PCDHGB7: variants seen among roughly 807,000 people sequenced by gnomAD.
PCDHGB7 encodes protocadherin gamma subfamily B, 7, also known as protocadherin gamma-B7.
A neutral mutation model predicts 61.4 loss-of-function variants in PCDHGB7; 37 were observed. The observed-to-expected ratio is 0.60, with a 90% CI of 0.46 to 0.79. The LOEUF (loss-of-function observed/expected upper bound fraction) is 0.79, where lower values mean the gene tolerates loss of function less well. PCDHGB7 is among the 30% of genes least tolerant of loss of function. The pLI is 0.00. For synonymous variants in PCDHGB7, 464 were observed against 503.5 expected, an observed-to-expected ratio of 0.92 and a Z score of 1.05; for missense variants, 1,166 against 1,202.5, an observed-to-expected ratio of 0.97 and a Z score of 0.45.
Position 141,417,789 on chromosome 5 carries a change from C to G in PCDHGB7, c.-71C>G. The G allele has an allele frequency of 6.8e-7, 1 of 1,477,596 alleles. No homozygotes were observed. Among genetic ancestry groups the G allele is most frequent in the Non-Finnish European group, 9.0e-7 (1 of 1,112,096 alleles). The allele number at this position is 1,477,596 out of a possible 1,614,324, so 91.5% of individuals were successfully genotyped here. ...GACTCCTCCTGTCCTGGGCCGAATG[C>G]TCTTTTAGCGCGGTAGAGTGCACTT... On this transcript the variant is annotated 5_prime_UTR_variant, in exon 1 of 4. Transcript: ENST00000398594.
At chr5:141,509,040 C>G (rs1217864661) in intron 3 of PCDHGB7, among the ~76,000 whole-genome samples, 1 of 152,132 alleles carries the variant, frequency 6.6e-6, no homozygotes, top group Non-Finnish European at 1.5e-5. Context: ...CAACCCCTCT[C>G]CCCCGCCCCC....
At chr5:141,427,573 T>C in intron 1 of PCDHGB7, 1 of 667,160 alleles carries the variant, frequency 1.5e-6, no homozygotes, top group Non-Finnish European at 2.8e-6. Context: ...AAGCCTCCGC[T>C]CTCATCCAGC....
At position 141,419,420 on chromosome 5, in the gene PCDHGB7, G is replaced by C. The variant is rs774685112; in HGVS notation, c.1561G>C (p.Asp521His). Residue 521 changes from aspartate (D) to histidine (H), a missense_variant, in exon 1 of 4, where the codon GAC (aspartate) becomes CAC (histidine). Physicochemically the swap from Asp to His is moderately conservative, Grantham distance 81. Coordinates refer to ENST00000398594, the MANE Select transcript of PCDHGB7 (RefSeq NM_018927.4). Reference protein sequence around the residue: ...SGVVFAQRAFDHEQLRTFELT... With the variant: ...SGVVFAQRAFHHEQLRTFELT... ...GGTGGTGTTCGCGCAGCGCGCCTTC[G>C]ACCACGAGCAGCTGCGCACCTTCGA... 10 of 1,613,372 alleles carry C rather than the reference G, an allele frequency of 6.2e-6. No individual in the cohort carries two copies. The highest frequency in any genetic ancestry group is 7.6e-6 in the Non-Finnish European group (9 of 1,179,876).
rs2099883943 is a variant in PCDHGB7, at chr5:141,511,766, G to A, written c.*593G>A. ...TGGAGGACATGATCACCATCCCCAT[G>A]GTACTGATGCTTGCTGGATTTAGGG... On this transcript the variant is annotated 3_prime_UTR_variant, in exon 4 of 4. Coordinates refer to ENST00000398594, the MANE Select transcript of PCDHGB7 (RefSeq NM_018927.4). 2 of 161,712 alleles carry A rather than the reference G, an allele frequency of 1.2e-5. No homozygotes were observed. Among genetic ancestry groups the A allele is most frequent in the Non-Finnish European group, 2.8e-5 (2 of 72,704 alleles). The allele number at this position is 161,712 out of a possible 1,614,324, so 10.0% of individuals were successfully genotyped here.
chr5:141,437,622 A>G (rs1007643306), intron 1 of PCDHGB7, among the ~76,000 whole-genome samples: 2 of 152,192 alleles, frequency 1.3e-5, no homozygotes, highest in Non-Finnish European at 2.9e-5. Flanking sequence ...TTATCCCCAT[A>G]TAAGATGTCA....
chr5:141,426,704 A>C, intron 1 of PCDHGB7: 1 of 440,322 alleles, frequency 2.3e-6, no homozygotes, highest in South Asian at 1.6e-5. Context: ...TTGTTTTACA[A>C]ATCAATGAAC....
In PCDHGB7 at chr5:141,476,857, C is replaced by G. The variant is rs201408987; in HGVS notation, c.2416-17950C>G. The G allele has an allele frequency of 3.1e-6, 5 of 1,613,886 alleles. No individual in the cohort carries two copies. Among genetic ancestry groups the G allele is most frequent in the Non-Finnish European group, 4.2e-6 (5 of 1,180,046 alleles). On this transcript the variant is annotated intron_variant, in intron 1 of 3. Coordinates refer to ENST00000398594, the MANE Select transcript of PCDHGB7 (RefSeq NM_018927.4). This position sits in a 1 kb window ranked among gnomAD's most constrained non-coding sequence, Gnocchi z 7.6. Reference sequence around the variant, plus strand: ...ACAATGCGCCTGTCTTCAACCAGTCCTTGTACCGGGCGCGCGTCCTGGAGG... The same window carrying G: ...ACAATGCGCCTGTCTTCAACCAGTCGTTGTACCGGGCGCGCGTCCTGGAGG...
At position 141,490,207 on chromosome 5, in the gene PCDHGB7, C is replaced by T. The variant is rs142098675; in HGVS notation, c.2416-4600C>T. On this transcript the variant is annotated intron_variant, in intron 1 of 3. Transcript: ENST00000398594. This position sits in a 1 kb window ranked among gnomAD's most constrained non-coding sequence, Gnocchi z 5.4. ...TTTCTATGAAATTCATGCAAGAGCC[C>T]GTGACCAGGGACAGCCTGCCATGGA... 41 of 1,614,056 alleles carry T rather than the reference C, an allele frequency of 2.5e-5. No homozygotes were observed. The highest frequency in any genetic ancestry group is 3.3e-4 in the Middle Eastern group (2 of 6,084).
At chr5:141,467,360 C>T (rs965838962) in intron 1 of PCDHGB7, among the ~76,000 whole-genome samples, 3 of 152,010 alleles carry the variant, frequency 2.0e-5, no homozygotes, top group Non-Finnish European at 4.4e-5. Context: ...GCCAAATCAA[C>T]GTTTTCTTAT....
intron 1 of PCDHGB7, chr5:141,479,468 T>C (rs1473966646): frequency 1.3e-5 from 2 of 152,248 alleles, no homozygotes; most frequent in African/African-American, 4.8e-5. Context: ...TACAGTGACC[T>C]CTTGGGAGGG....
chr5:141,472,065 G>C lies in PCDHGB7; in HGVS notation c.2416-22742G>C, dbSNP rs115025688. Among the ~76,000 whole-genome samples the C allele has an allele frequency of 1.7e-3, 265 of 152,218 alleles. 1 individual carries two copies. Among genetic ancestry groups the C allele is most frequent in the Middle Eastern group, 3.4e-3 (1 of 294 alleles). On this transcript the variant is annotated intron_variant, in intron 1 of 3. Coordinates refer to ENST00000398594, the MANE Select transcript of PCDHGB7 (RefSeq NM_018927.4). ...GATTTTAAAAATGATTGACATGTCT[G>C]TGGTTATATCAATGAGTACTATTAT...
chr5:141,489,297 G>T lies in PCDHGB7; in HGVS notation c.2416-5510G>T. On this transcript the variant is annotated intron_variant, in intron 1 of 3. Transcript: ENST00000398594. This position sits in a 1 kb window ranked among gnomAD's most constrained non-coding sequence, Gnocchi z 4.5. Reference sequence around the variant, plus strand: ...GGAAATGGCAAGTGCTGTGCATGTTGTCCTTGTGCTGCTGGGGCTGGGTGT... The same window carrying T: ...GGAAATGGCAAGTGCTGTGCATGTTTTCCTTGTGCTGCTGGGGCTGGGTGT... 1.9e-6 allele frequency: 3 copies of T among 1,583,774 alleles called. No homozygotes were observed. Among genetic ancestry groups the T allele is most frequent in the Non-Finnish European group, 8.6e-7 (1 of 1,164,904 alleles).
At chr5:141,441,187 AT>A (rs1349788972) in intron 1 of PCDHGB7, 1 of 152,214 alleles carries the variant, frequency 6.6e-6, no homozygotes, top group Non-Finnish European at 1.5e-5. Context: ...TTCCACAATG[AT>A]TCCCAAAGAT....
chr5:141,427,768 A>C (rs1003238906), intron 1 of PCDHGB7: 4 of 1,393,994 alleles, frequency 2.9e-6, no homozygotes, highest in Non-Finnish European at 4.0e-6. Context: ...ACTGACTTGG[A>C]GCTGCGGGCA....
Position 141,423,176 on chromosome 5 carries a change from A to C in PCDHGB7, c.2415+2902A>C, listed in dbSNP as rs781125798. Reference sequence around the variant, plus strand: ...AGCCTCGTGGTGGCCGTCCAGGACCACGGCCAGCCCCCTCTCTCGGCCACC... The same window carrying C: ...AGCCTCGTGGTGGCCGTCCAGGACCCCGGCCAGCCCCCTCTCTCGGCCACC... On this transcript the variant is annotated intron_variant, in intron 1 of 3. Transcript: ENST00000398594. 1.7e-5 allele frequency: 28 copies of C among 1,613,356 alleles called. No homozygotes were observed. In the African/African-American group the frequency reaches 3.6e-4, roughly 21 times the overall value.
chr5:141,478,748 A>G (rs2099474609), intron 1 of PCDHGB7: 2 of 1,525,644 alleles, frequency 1.3e-6, no homozygotes, highest in African/African-American at 1.4e-5. Context: ...GTCCCATTTC[A>G]GGGGGAAGAT....
Position 141,418,506 on chromosome 5 carries a change from A to G in PCDHGB7, c.647A>G (p.Asp216Gly). 6.2e-7 allele frequency: 1 copy of G among 1,613,978 alleles called. No individual in the cohort carries two copies. Among genetic ancestry groups the G allele is most frequent in the Non-Finnish European group, 8.5e-7 (1 of 1,179,874 alleles). ...SAHHLVLTALDGGDPPRSGTA... is the reference protein window; with the variant it reads ...SAHHLVLTALGGGDPPRSGTA... Reference sequence around the variant, plus strand: ...CACCACTTGGTACTGACCGCCTTAGATGGTGGGGACCCTCCCCGAAGCGGT... The same window carrying G: ...CACCACTTGGTACTGACCGCCTTAGGTGGTGGGGACCCTCCCCGAAGCGGT... The change falls in exon 1 of 4, where the codon GAT becomes GGT. Residue 216 changes from aspartate (D) to glycine (G), a missense_variant. Asp to Gly is a moderately conservative substitution (Grantham distance 94, BLOSUM62 -1). Transcript: ENST00000398594.
intron 2 of PCDHGB7, among the ~76,000 whole-genome samples, chr5:141,497,879 G>T (rs62379207): frequency 2.0e-5 from 3 of 152,128 alleles, no homozygotes; most frequent in Admixed American, 6.5e-5. Flanking sequence ...TGAAATAAGC[G>T]TTAGGATCTA....
Position 141,490,486 on chromosome 5 carries a change from G to A in PCDHGB7, c.2416-4321G>A, listed in dbSNP as rs1187388706. The A allele has an allele frequency of 1.2e-6, 2 of 1,614,090 alleles. No individual in the cohort carries two copies. On this transcript the variant is annotated intron_variant, in intron 1 of 3. Transcript: ENST00000398594. The surrounding 1 kb of genome is among the most constrained non-coding windows in gnomAD (Gnocchi z 5.4). ...AACCAGCCAGCCTTTGGACCGGGAG[G>A]CCACATCCCACTATATCATCGAGCT...
Sources: gnomAD v4.1 joint callset for allele counts (sites outside exome capture counted in the v4.1 genomes callset) on GRCh38, gnomAD v4.1.1 for gene constraint, Gnocchi (gnomAD v3.1) non-coding constraint, MANE v1.5 for transcripts, NCBI Gene and HGNC (gene_info 2026-07-23, HGNC 2026-07-21) for gene names.